CADM1: variants seen among roughly 807,000 people sequenced by gnomAD.
The protein encoded by CADM1 is cell adhesion molecule 1, also known as TSLC-1.
A neutral mutation model predicts 53.1 loss-of-function variants in CADM1; 15 were observed. That is an observed-to-expected ratio of 0.28 (90% confidence interval 0.19 to 0.44). The LOEUF is 0.44. Ranked by LOEUF, CADM1 falls within the 20% of genes least tolerant of loss-of-function variation. The pLI is 1.00. For synonymous variants in CADM1, 281 were observed against 243.0 expected, an observed-to-expected ratio of 1.16 and a Z score of -1.45; for missense variants, 434 against 611.3, an observed-to-expected ratio of 0.71 and a Z score of 3.06.
chr11:115,482,337 A>G (rs1450271245), intron 1 of CADM1, among the ~76,000 whole-genome samples: 1 of 152,150 alleles, frequency 6.6e-6, no homozygotes, highest in African/African-American at 2.4e-5. Flanking sequence ...TCCTGCAAAA[A>G]CATCTAAAAT....
At chr11:115,363,121 C>A (rs1359742925) in intron 1 of CADM1, among the ~76,000 whole-genome samples, 1 of 152,168 alleles carries the variant, frequency 6.6e-6, no homozygotes, top group African/African-American at 2.4e-5. Context: ...GCGGCTGAGG[C>A]TCTTTAGCCT....
At position 115,183,479 on chromosome 11, in the gene CADM1, G is replaced by A. The variant is rs928154587; in HGVS notation, c.1166-4704C>T. On this transcript the variant is annotated intron_variant, in intron 10 of 11. Transcript: ENST00000331581. ...GCTAGTACATCCTAGACAAGCTCCT[G>A]GCAAATAGGGACTTTGGCAGAAGGA... Among the ~76,000 whole-genome samples, 5 of 152,172 alleles carry A rather than the reference G, an allele frequency of 3.3e-5. No homozygotes were observed. The South Asian group carries it at 6.2e-4, about 19-fold the overall frequency.
chr11:115,411,689 G>A (rs1014516234), intron 1 of CADM1, among the ~76,000 whole-genome samples: 11 of 151,888 alleles, frequency 7.2e-5, no homozygotes, highest in African/African-American at 2.7e-4. Flanking sequence ...TTTTTGAGAT[G>A]GAGTTTCGCT....
At position 115,175,666 on chromosome 11, in the gene CADM1, G is replaced by C. The variant is rs909070381; in HGVS notation, c.*808C>G. 6.1e-6 allele frequency: 6 copies of C among 986,430 alleles called. No homozygotes were observed. Among genetic ancestry groups the C allele is most frequent in the Non-Finnish European group, 7.2e-6 (6 of 830,500 alleles). The allele number at this position is 986,430 out of a possible 1,614,324, so 61.1% of individuals were successfully genotyped here. ...CCCAAACCTTTCTGGACAGCGTAGG[G>C]TATCTATACTGAGCCGTCTACAGAT... On this transcript the variant is annotated 3_prime_UTR_variant, in exon 12 of 12. Transcript: ENST00000331581.
chr11:115,451,896 C>T (rs1333453112), intron 1 of CADM1, among the ~76,000 whole-genome samples: 2 of 151,760 alleles, frequency 1.3e-5, no homozygotes, highest in Non-Finnish European at 1.5e-5. Flanking sequence ...TGGAAAGAGT[C>T]AGGAGAGCAT....
At chr11:115,305,990 T>C (rs1354726878) in intron 1 of CADM1, among the ~76,000 whole-genome samples, 1 of 150,654 alleles carries the variant, frequency 6.6e-6, no homozygotes, top group Non-Finnish European at 1.5e-5. Context: ...CTACACATTT[T>C]CCTATATATC....
At chr11:115,260,656 T>C (rs1942944497) in intron 1 of CADM1, among the ~76,000 whole-genome samples, 1 of 152,158 alleles carries the variant, frequency 6.6e-6, no homozygotes, top group African/African-American at 2.4e-5. Flanking sequence ...AGTGCTTTTT[T>C]TAAATTTTTA....
chr11:115,498,933 C>T (rs1360520221), intron 1 of CADM1, among the ~76,000 whole-genome samples: 7 of 151,998 alleles, frequency 4.6e-5, no homozygotes, highest in African/African-American at 1.4e-4. Flanking sequence ...ATAGAGCGAC[C>T]AGGGGTGGAT....
chr11:115,496,353 T>A (rs1456456389), intron 1 of CADM1, among the ~76,000 whole-genome samples: 1 of 152,068 alleles, frequency 6.6e-6, no homozygotes, highest in Non-Finnish European at 1.5e-5. Context: ...GACAGTTAGT[T>A]AAGGGAAAAA....
intron 1 of CADM1, among the ~76,000 whole-genome samples, chr11:115,258,993 CTTTT>C (rs565534099): frequency 6.8e-6 from 1 of 147,378 alleles, no homozygotes; most frequent in Non-Finnish European, 1.5e-5. Context: ...AACTTTCCAA[CTTTT>C]TTTTTTTAGA....
At chr11:115,221,756 T>C (rs1941414754) in intron 5 of CADM1, among the ~76,000 whole-genome samples, 1 of 152,116 alleles carries the variant, frequency 6.6e-6, no homozygotes, top group South Asian at 2.1e-4. Context: ...AAAAGGTACT[T>C]TGCAGTTTCT....
chr11:115,286,864 G>A (rs1180503956), intron 1 of CADM1, among the ~76,000 whole-genome samples: 1 of 152,188 alleles, frequency 6.6e-6, no homozygotes, highest in Admixed American at 6.5e-5. Flanking sequence ...GATTAAAGAG[G>A]CTCCAAAAGA....
At chr11:115,265,848 G>A (rs1294973900) in intron 1 of CADM1, among the ~76,000 whole-genome samples, 3 of 152,146 alleles carry the variant, frequency 2.0e-5, no homozygotes, top group Non-Finnish European at 2.9e-5. Context: ...TCTTTGAGGT[G>A]GTTTGTTAAT....
intron 1 of CADM1, among the ~76,000 whole-genome samples, chr11:115,353,300 CTGTGTTGGG>C (rs1945784429): frequency 6.6e-6 from 1 of 152,152 alleles, no homozygotes; most frequent in East Asian, 1.9e-4. Context: ...ACAGAACTTC[CTGTGTTGGG>C]AATACTTTAC....
intron 1 of CADM1, among the ~76,000 whole-genome samples, chr11:115,331,057 C>A (rs567722243): frequency 2.0e-5 from 3 of 152,094 alleles, no homozygotes; most frequent in Non-Finnish European, 4.4e-5. Context: ...AACGGCAACT[C>A]CATCTGATTT....
chr11:115,185,740 A>G (rs1648982331), intron 10 of CADM1, among the ~76,000 whole-genome samples: 1 of 152,222 alleles, frequency 6.6e-6, no homozygotes, highest in African/African-American at 2.4e-5. Context: ...ATTTTAAGCA[A>G]CAGGAAGGCA....
At chr11:115,404,622 A>C (rs1318809748) in intron 1 of CADM1, among the ~76,000 whole-genome samples, 1 of 150,502 alleles carries the variant, frequency 6.6e-6, no homozygotes, top group Non-Finnish European at 1.5e-5. Flanking sequence ...AAAAATAAAA[A>C]AAAACAAGCC....
At chr11:115,324,156 T>C (rs563929812) in intron 1 of CADM1, among the ~76,000 whole-genome samples, 22 of 152,178 alleles carry the variant, frequency 1.4e-4, no homozygotes, top group Non-Finnish European at 2.9e-4. Context: ...CTCAGTGATA[T>C]AGTTATGAGA....
At chr11:115,365,681 T>C (rs905369636) in intron 1 of CADM1, among the ~76,000 whole-genome samples, 3 of 152,126 alleles carry the variant, frequency 2.0e-5, no homozygotes, top group Non-Finnish European at 4.4e-5. Context: ...GGAAGACTTC[T>C]ACAGTAACTT....
Sources: gnomAD v4.1 joint callset for allele counts (sites outside exome capture counted in the v4.1 genomes callset) on GRCh38, gnomAD v4.1.1 for gene constraint, MANE v1.5 for transcripts, NCBI Gene and HGNC (gene_info 2026-07-23, HGNC 2026-07-21) for gene names.